Variants in CDYL observed in about 807,000 individuals in gnomAD.
CDYL encodes chromodomain Y like.
A neutral mutation model predicts 47.3 loss-of-function variants in CDYL; 8 were observed. The observed-to-expected ratio is 0.17, with a 90% confidence interval of 0.10 to 0.31. The LOEUF (loss-of-function observed/expected upper bound fraction) is 0.31. CDYL is among the 10% of genes least tolerant of loss of function. CDYL has a pLI of 1.00. For missense variants in CDYL, 471 were observed against 701.4 expected (o/e 0.67, Z 3.71); for synonymous variants, 266 against 265.0 (o/e 1.00, Z -0.04).
intron 1 of CDYL, among the ~76,000 whole-genome samples, chr6:4,787,466 T>G (rs995819108): frequency 2.0e-5 from 3 of 152,168 alleles, no homozygotes; most frequent in African/African-American, 7.2e-5. Flanking sequence ...TAGCTCTAGA[T>G]TGGGGCTGCT....
chr6:4,771,037 G>A (rs1221210283), intron 3 of CDYL, among the ~76,000 whole-genome samples: 1 of 152,072 alleles, frequency 6.6e-6, no homozygotes, highest in Admixed American at 6.6e-5. Context: ...CTACACAATG[G>A]TCATTCCTAG....
Position 4,895,393 on chromosome 6 carries a change from A to G in CDYL, c.691+3014A>G, listed in dbSNP as rs60372088. 1.5e-3 allele frequency among the ~76,000 whole-genome samples: 7 copies of G among 4,820 alleles called. 3 individuals carry two copies. Among genetic ancestry groups the G allele is most frequent in the African/African-American group, 1.5e-3 (7 of 4,732 alleles). The allele number at this position is 4,820 out of a possible 152,430, so 3.2% of individuals were successfully genotyped here. A position where few individuals can be genotyped will look rare whatever the true frequency, so the allele number is the denominator to read the frequency against. ...TGCATGTATGTATATATGTGCATAT[A>G]TGCATGTATACATGTATACGTATAT... On this transcript the variant is annotated intron_variant, in intron 2 of 6. Transcript: ENST00000397588.
intron 2 of CDYL, among the ~76,000 whole-genome samples, chr6:4,894,827 CAAA>C (rs1432175810): frequency 5.8e-5 from 8 of 137,856 alleles, no homozygotes; most frequent in Non-Finnish European, 6.0e-5. Flanking sequence ...TTTTTGTCCA[CAAA>C]AGTCGTGTGT....
chr6:4,822,183 C>T (rs981185185), intron 1 of CDYL, among the ~76,000 whole-genome samples: 2 of 151,128 alleles, frequency 1.3e-5, no homozygotes, highest in Admixed American at 6.6e-5. Context: ...ATGGGGTTGG[C>T]GGGGGGCATC....
intron 1 of CDYL, among the ~76,000 whole-genome samples, chr6:4,877,539 A>G (rs774308850): frequency 1.3e-5 from 2 of 152,212 alleles, no homozygotes; most frequent in Non-Finnish European, 2.9e-5. Context: ...TTGGTAACAT[A>G]TGGATATCCA....
intron 2 of CDYL, among the ~76,000 whole-genome samples, chr6:4,923,758 A>G (rs1000453462): frequency 7.2e-5 from 11 of 152,116 alleles, no homozygotes; most frequent in South Asian, 2.1e-4. Flanking sequence ...AAAATTAGCC[A>G]GGCATGGTGG....
At chr6:4,719,902 A>G (rs1221512777) in intron 2 of CDYL, among the ~76,000 whole-genome samples, 1 of 152,218 alleles carries the variant, frequency 6.6e-6, no homozygotes, top group East Asian at 1.9e-4. Context: ...AAGAAAACTC[A>G]GCTTTGGACC....
chr6:4,727,145 C>T (rs1253353085), intron 2 of CDYL, among the ~76,000 whole-genome samples: 1 of 152,162 alleles, frequency 6.6e-6, no homozygotes, highest in East Asian at 1.9e-4. Flanking sequence ...TTCCCTGACA[C>T]AAAGTAGCTA....
intron 4 of CDYL, 35 bp downstream of exon 4, chr6:4,937,772 G>A: frequency 6.4e-7 from 1 of 1,566,370 alleles, no homozygotes; most frequent in African/African-American, 1.4e-5. Flanking sequence ...ACATTGGTTG[G>A]GTGTTTTGTT....
chr6:4,932,577 A>G (rs1403151055), intron 2 of CDYL, among the ~76,000 whole-genome samples: 1 of 152,200 alleles, frequency 6.6e-6, no homozygotes, highest in Non-Finnish European at 1.5e-5. Context: ...TATAGCAGCA[A>G]TTGAAAAATC....
intron 1 of CDYL, among the ~76,000 whole-genome samples, chr6:4,798,184 G>A (rs907123386): frequency 3.3e-5 from 5 of 151,920 alleles, no homozygotes; most frequent in African/African-American, 4.8e-5. Flanking sequence ...TGTTTCCCTG[G>A]CTGGTCTTGA....
chr6:4,911,126 G>A (rs1332545352), intron 2 of CDYL, among the ~76,000 whole-genome samples: 5 of 152,164 alleles, frequency 3.3e-5, no homozygotes, highest in African/African-American at 9.6e-5. Context: ...GCGCCCAGCC[G>A]AAAAAGGATT....
At chr6:4,799,629 G>T (rs1401438224) in intron 1 of CDYL, among the ~76,000 whole-genome samples, 1 of 151,958 alleles carries the variant, frequency 6.6e-6, no homozygotes, top group African/African-American at 2.4e-5. Flanking sequence ...TAGAGATGGG[G>T]TTTCATGATA....
intron 1 of CDYL, among the ~76,000 whole-genome samples, chr6:4,846,202 T>G (rs71555872): frequency 0.023 from 3,356 of 143,994 alleles, 52 homozygotes; most frequent in Non-Finnish European, 0.036. Context: ...AAAAAAAAGG[T>G]GGATATGGCT....
At chr6:4,755,315 C>A (rs1310502983) in intron 3 of CDYL, among the ~76,000 whole-genome samples, 1 of 151,974 alleles carries the variant, frequency 6.6e-6, no homozygotes, top group Non-Finnish European at 1.5e-5. Flanking sequence ...AGGTGATCCA[C>A]CTGCCTCGGC....
intron 3 of CDYL, among the ~76,000 whole-genome samples, chr6:4,752,859 T>TG (rs2127420413): frequency 6.6e-6 from 1 of 151,140 alleles, no homozygotes; most frequent in Non-Finnish European, 1.5e-5. Context: ...TGTGTGTGTT[T>TG]GTAGATAGGT....
intron 1 of CDYL, among the ~76,000 whole-genome samples, chr6:4,866,569 C>G (rs1761329125): frequency 6.6e-6 from 1 of 151,998 alleles, no homozygotes; most frequent in African/African-American, 2.4e-5. Context: ...ATGCCAAGTC[C>G]TTGAATAAGA....
intron 2 of CDYL, among the ~76,000 whole-genome samples, chr6:4,900,783 A>ATATATG (rs1757011275): frequency 3.3e-5 from 1 of 30,676 alleles, no homozygotes; most frequent in Non-Finnish European, 5.6e-5. Context: ...ACGTGTGTAT[A>ATATATG]TATATATATA....
intron 1 of CDYL, among the ~76,000 whole-genome samples, chr6:4,795,680 C>T (rs1423201555): frequency 6.7e-6 from 1 of 150,322 alleles, no homozygotes; most frequent in African/African-American, 2.4e-5. Flanking sequence ...TCTTTTTGTA[C>T]CTTTTCTCTT....
Sources: gnomAD v4.1 joint callset for allele counts (sites outside exome capture counted in the v4.1 genomes callset) on GRCh38, gnomAD v4.1.1 for gene constraint, MANE v1.5 for transcripts, NCBI Gene and HGNC (gene_info 2026-07-23, HGNC 2026-07-21) for gene names.